The following SASH1 variants were observed in gnomAD, a reference collection of about 807,000 sequenced individuals.
The protein encoded by SASH1 is SAM and SH3 domain-containing protein 1.
Under a neutral mutation model 125.2 loss-of-function variants are expected in SASH1, and 44 were observed. The ratio of observed to expected loss-of-function variants is 0.35; its 90% CI spans 0.28 to 0.45. SASH1 has a LOEUF of 0.45. Ranked by LOEUF, SASH1 falls within the 20% of genes least tolerant of loss-of-function variation. The pLI is 1.00. For missense variants in SASH1, 1,426 were observed against 1,614.5 expected, an observed-to-expected ratio of 0.88 and a Z score of 2.00; for synonymous variants, 639 against 649.1, an observed-to-expected ratio of 0.98 and a Z score of 0.24.
chr6:148,427,205 G>A (rs1775861160), intron 2 of SASH1, among the ~76,000 whole-genome samples: 1 of 151,992 alleles, frequency 6.6e-6, no homozygotes, highest in Non-Finnish European at 1.5e-5. Context: ...AGGGTGAGAG[G>A]ATTCTGGGGA....
chr6:148,298,673 GGA>G (rs1562312145), intron 1 of SASH1, among the ~76,000 whole-genome samples: 60 of 64,462 alleles, frequency 9.3e-4, no homozygotes, highest in African/African-American at 1.8e-3. Context: ...GAGGGAGGAA[GGA>G]AGGAAGGAAG....
chr6:148,245,585 A>G, the SASH1 span, among the ~76,000 whole-genome samples: 21 of 152,294 alleles, frequency 1.4e-4, 1 homozygote, highest in South Asian at 4.4e-3. Context: ...GTAGCTCTTA[A>G]TAACTGAAGG....
chr6:148,313,084 A>G (rs534785474), intron 1 of SASH1, among the ~76,000 whole-genome samples: 43 of 152,312 alleles, frequency 2.8e-4, no homozygotes, highest in African/African-American at 9.4e-4. Flanking sequence ...CAGAGAGAGG[A>G]GAGACCAACT....
chr6:148,198,821 A>AGTTTTGTTTT, the SASH1 span, among the ~76,000 whole-genome samples: 2 of 152,210 alleles, frequency 1.3e-5, no homozygotes, highest in Non-Finnish European at 2.9e-5. Flanking sequence ...ATCCAGGGAC[A>AGTTTTGTTTT]GTTTTGTTTT....
At chr6:148,330,864 G>A (rs1399480599) in intron 1 of SASH1, among the ~76,000 whole-genome samples, 1 of 152,208 alleles carries the variant, frequency 6.6e-6, no homozygotes, top group Non-Finnish European at 1.5e-5. Flanking sequence ...GGGATTACAG[G>A]TGTGAGCTAC....
At chr6:148,436,879 T>C (rs932283901) in intron 2 of SASH1, among the ~76,000 whole-genome samples, 10 of 152,248 alleles carry the variant, frequency 6.6e-5, no homozygotes, top group Admixed American at 5.9e-4. Flanking sequence ...CAGTAGTAAA[T>C]GAAACAGTCG....
the SASH1 span, among the ~76,000 whole-genome samples, chr6:148,199,426 C>T: frequency 1.3e-5 from 2 of 150,946 alleles, no homozygotes; most frequent in East Asian, 2.0e-4. Context: ...TCCCTTTTCT[C>T]TCCTTTTAAG....
chr6:148,375,597 G>C (rs1288288702), intron 1 of SASH1, among the ~76,000 whole-genome samples: 1 of 152,074 alleles, frequency 6.6e-6, no homozygotes, highest in Non-Finnish European at 1.5e-5. Context: ...CATCTTGAGG[G>C]GAAATGATGT....
chr6:148,477,033 C>T (rs1172115580), intron 7 of SASH1, among the ~76,000 whole-genome samples: 4 of 152,154 alleles, frequency 2.6e-5, no homozygotes. Flanking sequence ...TGAAACTAGA[C>T]CCCTCTCTCT....
chr6:148,286,526 G>T (rs1208464005), intron 1 of SASH1, among the ~76,000 whole-genome samples: 2 of 152,170 alleles, frequency 1.3e-5, no homozygotes, highest in Non-Finnish European at 2.9e-5. Flanking sequence ...CCAGAGGCTT[G>T]AAGTTGGAGA....
At chr6:148,299,925 T>C (rs986709443) in intron 1 of SASH1, among the ~76,000 whole-genome samples, 3 of 152,130 alleles carry the variant, frequency 2.0e-5, no homozygotes, top group Non-Finnish European at 1.5e-5. Context: ...TAGGAGTAGA[T>C]AATGTTGTCA....
chr6:148,351,194 T>TG (rs1781713970), intron 1 of SASH1, among the ~76,000 whole-genome samples: 1 of 86,964 alleles, frequency 1.1e-5, no homozygotes, highest in Admixed American at 1.1e-4. Flanking sequence ...GATAGTAGTT[T>TG]TTTTTTTTTT....
rs1181636909 is a variant in SASH1, at chr6:148,532,365, G to A, written c.1565-432G>A. Reference sequence around the variant, plus strand: ...TTATAGGCGTGAGCCACCGTGCCCCGAGATCAAGTTTAAACCTACCACTTT... The same window carrying A: ...TTATAGGCGTGAGCCACCGTGCCCCAAGATCAAGTTTAAACCTACCACTTT... On this transcript the variant is annotated intron_variant, in intron 13 of 19. Coordinates refer to ENST00000367467, the MANE Select transcript of SASH1 (RefSeq NM_015278.5). This position sits in a 1 kb window ranked among gnomAD's most constrained non-coding sequence, Gnocchi z 4.7. Among the ~76,000 whole-genome samples the A allele has an allele frequency of 1.3e-5, 2 of 152,190 alleles. No homozygotes were observed. Among genetic ancestry groups the A allele is most frequent in the African/African-American group, 4.8e-5 (2 of 41,438 alleles).
At chr6:148,326,644 C>T (rs1010641128) in intron 1 of SASH1, among the ~76,000 whole-genome samples, 32 of 151,514 alleles carry the variant, frequency 2.1e-4, no homozygotes, top group African/African-American at 6.5e-4. Context: ...TCAGGTGATC[C>T]GCCTGCGTCG....
chr6:148,328,105 G>A (rs544336839), intron 1 of SASH1, among the ~76,000 whole-genome samples: 40 of 152,206 alleles, frequency 2.6e-4, no homozygotes, highest in Admixed American at 1.8e-3. Flanking sequence ...TCACACATGC[G>A]ATTAGAGCAC....
At chr6:148,362,379 T>C (rs915562565) in intron 1 of SASH1, among the ~76,000 whole-genome samples, 3 of 151,982 alleles carry the variant, frequency 2.0e-5, no homozygotes, top group African/African-American at 7.3e-5. Context: ...TGTGCCACCA[T>C]GCCTGGCCAA....
the SASH1 span, among the ~76,000 whole-genome samples, chr6:148,235,156 A>G: frequency 6.6e-6 from 1 of 152,216 alleles, no homozygotes; most frequent in Non-Finnish European, 1.5e-5. Flanking sequence ...TGGTAATCAC[A>G]TAACCAAACC....
intron 7 of SASH1, among the ~76,000 whole-genome samples, chr6:148,482,550 C>A (rs570868803): frequency 6.6e-6 from 1 of 150,934 alleles, no homozygotes; most frequent in Admixed American, 6.6e-5. Context: ...GAGGTAGGAT[C>A]TTGCTCTGTA....
intron 1 of SASH1, among the ~76,000 whole-genome samples, chr6:148,364,663 C>T (rs1562353804): frequency 6.6e-6 from 1 of 151,970 alleles, no homozygotes; most frequent in Non-Finnish European, 1.5e-5. Flanking sequence ...GATACAAGGT[C>T]AAGATGAGAA....
Sources: gnomAD v4.1 joint callset for allele counts (sites outside exome capture counted in the v4.1 genomes callset) on GRCh38, gnomAD v4.1.1 for gene constraint, Gnocchi (gnomAD v3.1) non-coding constraint, MANE v1.5 for transcripts, NCBI Gene and HGNC (gene_info 2026-07-23, HGNC 2026-07-21) for gene names.